Variants in TMEM244 observed in about 807,000 individuals in gnomAD.
TMEM244 encodes the protein transmembrane protein 244.
In TMEM244, 13 loss-of-function variants were observed where a neutral mutation model predicts 15.8. That is an observed-to-expected ratio of 0.82 (90% CI 0.53 to 1.30). The LOEUF is 1.30. TMEM244 is among the 50% of genes most tolerant of loss of function. The pLI, the probability that TMEM244 is intolerant of heterozygous loss-of-function variation, is 0.00. For synonymous variants in TMEM244, 45 were observed against 48.7 expected, an observed-to-expected ratio of 0.92 and a Z score of 0.32; for missense variants, 161 against 144.9, an observed-to-expected ratio of 1.11 and a Z score of -0.57.
At chr6:129,853,403 C>T (rs1211751455) in intron 1 of TMEM244, among the ~76,000 whole-genome samples, 1 of 152,124 alleles carries the variant, frequency 6.6e-6, no homozygotes, top group African/African-American at 2.4e-5. Context: ...CTCTCTTTCT[C>T]CGTATAATAT....
At chr6:129,859,203 T>C (rs1584194737) in intron 1 of TMEM244, among the ~76,000 whole-genome samples, 1 of 152,162 alleles carries the variant, frequency 6.6e-6, no homozygotes, top group East Asian at 1.9e-4. Flanking sequence ...ACTTTCTGAG[T>C]TTTGTTCTAC....
intron 4 of TMEM244, among the ~76,000 whole-genome samples, chr6:129,832,819 A>G (rs1776349262): frequency 6.6e-6 from 1 of 152,206 alleles, no homozygotes; most frequent in Admixed American, 6.5e-5. Flanking sequence ...ACAGGTAGAA[A>G]TAAAAACCAC....
At chr6:129,831,914 T>C (rs542247845) in intron 4 of TMEM244, among the ~76,000 whole-genome samples, 2 of 152,164 alleles carry the variant, frequency 1.3e-5, no homozygotes, top group South Asian at 4.1e-4. Context: ...ATAGAGCACT[T>C]CAGAAGCAGA....
rs140845293 is a variant in TMEM244, at chr6:129,843,576, T to C, written c.147A>G (p.Pro49=). 8,723 of 1,612,336 alleles carry C rather than the reference T, an allele frequency of 5.4e-3. 83 individuals are homozygous for C. Among genetic ancestry groups the C allele is most frequent in the South Asian group, 0.026 (2,366 of 90,900 alleles). The change falls in exon 3 of 5, where the codon CCA becomes CCG. Residue 49 remains proline (P), a synonymous_variant. Transcript: ENST00000368143. ...ATGAGGGATTTGTTTTGAAATCAAA[T>C]GGAGCCAGGACATTCAACTCATGCA... ...FEVHELNVLA[P]FDFKTNPSWL...
chr6:129,840,646 T>A (rs1489543386), intron 3 of TMEM244, among the ~76,000 whole-genome samples: 1 of 152,162 alleles, frequency 6.6e-6, no homozygotes, highest in Non-Finnish European at 1.5e-5. Flanking sequence ...ACAGGCAACC[T>A]ACAGAATGGG....
At chr6:129,857,892 A>G (rs1202562089) in intron 1 of TMEM244, among the ~76,000 whole-genome samples, 1 of 151,124 alleles carries the variant, frequency 6.6e-6, no homozygotes, top group East Asian at 1.9e-4. Flanking sequence ...ATTAGTTCTT[A>G]TTTTATTCAG....
intron 1 of TMEM244, among the ~76,000 whole-genome samples, chr6:129,857,509 C>G (rs940820152): frequency 6.6e-6 from 1 of 152,174 alleles, no homozygotes; most frequent in South Asian, 2.1e-4. Flanking sequence ...GCACATGCCA[C>G]CACCACGCCT....
At chr6:129,851,408 A>G (rs1776636246) in intron 1 of TMEM244, among the ~76,000 whole-genome samples, 1 of 152,156 alleles carries the variant, frequency 6.6e-6, no homozygotes, top group Non-Finnish European at 1.5e-5. Flanking sequence ...AGCTGGGGTT[A>G]CAGGTGTCTG....
At chr6:129,831,415 A>G in intron 4 of TMEM244, 29 bp from the exon 5 acceptor site, 1 of 1,445,884 alleles carries the variant, frequency 6.9e-7, no homozygotes, top group Non-Finnish European at 9.7e-7. Flanking sequence ...GTTTAATTTC[A>G]AAACATGCGT....
intron 3 of TMEM244, 56 bp downstream of exon 3, chr6:129,843,474 G>A (rs1270005550): frequency 8.4e-7 from 1 of 1,192,890 alleles, no homozygotes; most frequent in South Asian, 1.5e-5. Flanking sequence ...AAAAATTTAT[G>A]GGGTTAGTGG....
At chr6:129,842,729 T>C (rs1190643702) in intron 3 of TMEM244, among the ~76,000 whole-genome samples, 1 of 151,846 alleles carries the variant, frequency 6.6e-6, no homozygotes, top group Non-Finnish European at 1.5e-5. Context: ...TTTCTGCTTG[T>C]AGATATTTTC....
intron 3 of TMEM244, among the ~76,000 whole-genome samples, chr6:129,839,461 C>T (rs1776455558): frequency 6.6e-6 from 1 of 152,196 alleles, no homozygotes; most frequent in African/African-American, 2.4e-5. Context: ...GACAAACCCA[C>T]AGCCAATGTC....
intron 1 of TMEM244, among the ~76,000 whole-genome samples, chr6:129,857,515 C>T (rs899026117): frequency 3.9e-5 from 6 of 151,966 alleles, no homozygotes; most frequent in Admixed American, 6.6e-5. Context: ...GCCACCACCA[C>T]GCCTGGCTAA....
intron 1 of TMEM244, among the ~76,000 whole-genome samples, chr6:129,847,414 C>T (rs1776575329): frequency 6.6e-6 from 1 of 152,112 alleles, no homozygotes; most frequent in Non-Finnish European, 1.5e-5. Context: ...TTTTCACTTG[C>T]CTAGGTACAG....
At chr6:129,838,687 C>T (rs1011205267) in intron 3 of TMEM244, among the ~76,000 whole-genome samples, 1 of 151,900 alleles carries the variant, frequency 6.6e-6, no homozygotes, top group Non-Finnish European at 1.5e-5. Flanking sequence ...ACTAGCAAGA[C>T]TAATAAAGAA....
chr6:129,844,115 C>T (rs1776530525), intron 2 of TMEM244, among the ~76,000 whole-genome samples: 1 of 151,728 alleles, frequency 6.6e-6, no homozygotes, highest in Non-Finnish European at 1.5e-5. Context: ...CAAAATGACA[C>T]CTATTATATG....
In TMEM244 at chr6:129,845,598, G is replaced by A. The variant is rs189749742; in HGVS notation, c.119+169C>T. 4.2e-3 allele frequency among the ~76,000 whole-genome samples: 644 copies of A among 152,228 alleles called. 4 individuals are homozygous for A. The highest frequency in any genetic ancestry group is 5.6e-3 in the Non-Finnish European group (382 of 68,010). On this transcript the variant is annotated intron_variant, in intron 2 of 4. Coordinates refer to ENST00000368143, the MANE Select transcript of TMEM244 (RefSeq NM_001010876.2). Reference sequence around the variant, plus strand: ...ATTCAAGACCAGCCTAGGCAACATAGCAAGACCTTGTCTCTACCAAAAATA... The same window carrying A: ...ATTCAAGACCAGCCTAGGCAACATAACAAGACCTTGTCTCTACCAAAAATA...
At chr6:129,850,995 C>T (rs1776630853) in intron 1 of TMEM244, among the ~76,000 whole-genome samples, 1 of 152,098 alleles carries the variant, frequency 6.6e-6, no homozygotes, top group Admixed American at 6.5e-5. Flanking sequence ...TCCTATGTGA[C>T]CATCACTGTA....
At chr6:129,851,442 G>C (rs1776636974) in intron 1 of TMEM244, among the ~76,000 whole-genome samples, 1 of 152,060 alleles carries the variant, frequency 6.6e-6, no homozygotes, top group Non-Finnish European at 1.5e-5. Flanking sequence ...CAAATTTTTT[G>C]TATTTTTAGT....
Sources: allele counts gnomAD v4.1 joint callset (sites outside exome capture counted in the v4.1 genomes callset), GRCh38; gene constraint gnomAD v4.1.1; transcripts MANE v1.5; gene names NCBI Gene and HGNC (gene_info 2026-07-23, HGNC 2026-07-21).